Variants in VAV3 observed in about 807,000 individuals in gnomAD.
VAV3 encodes the protein guanine nucleotide exchange factor VAV3.
Under a neutral mutation model 131.2 loss-of-function variants are expected in VAV3, and 94 were observed. That is an observed-to-expected ratio of 0.72 (90% confidence interval 0.61 to 0.85). VAV3 has a LOEUF of 0.85. Ranked by LOEUF, VAV3 falls within the 40% of genes least tolerant of loss-of-function variation. The pLI, the probability that VAV3 is intolerant of heterozygous loss-of-function variation, is 0.00. For synonymous variants in VAV3, 349 were observed against 342.0 expected, an observed-to-expected ratio of 1.02 and a Z score of -0.22; for missense variants, 939 against 1,002.7, an observed-to-expected ratio of 0.94 and a Z score of 0.86.
chr1:107,938,396 T>C lies in VAV3; in HGVS notation c.204+26270A>G, dbSNP rs112127049. On this transcript the variant is annotated intron_variant, in intron 1 of 26. Transcript: ENST00000370056. ...GATCTAGATTCTCAAGGGAGGAAAC[T>C]ATCAGGACCACAGGGGTGGGTTTTT... Among the ~76,000 whole-genome samples the C allele has an allele frequency of 2.1e-3, 316 of 152,184 alleles. 1 individual carries two copies. The highest frequency in any genetic ancestry group is 7.3e-3 in the African/African-American group (301 of 41,516).
intron 15 of VAV3, 128 bp from the exon 16 acceptor site, chr1:107,705,189 A>C: frequency 1.4e-6 from 1 of 710,504 alleles, no homozygotes; most frequent in Non-Finnish European, 2.4e-6. Flanking sequence ...TGACTACTAA[A>C]TGTGCAATGT....
intron 20 of VAV3, among the ~76,000 whole-genome samples, chr1:107,635,541 A>T (rs1654855494): frequency 6.6e-6 from 1 of 152,120 alleles, no homozygotes; most frequent in African/African-American, 2.4e-5. Context: ...TAATGGGTGC[A>T]GCACACAAAC....
At chr1:107,804,020 G>C (rs1237429957) in intron 2 of VAV3, among the ~76,000 whole-genome samples, 2 of 151,982 alleles carry the variant, frequency 1.3e-5, no homozygotes, top group Non-Finnish European at 2.9e-5. Flanking sequence ...AGAGTCTAAA[G>C]TCTTTGACTA....
rs1649307555 is a variant in VAV3, at chr1:107,572,177, C to T, written c.*1154G>A. 6.6e-6 allele frequency: 1 copy of T among 152,158 alleles called. No individual in the cohort carries two copies. Among genetic ancestry groups the T allele is most frequent in the African/African-American group, 2.4e-5 (1 of 41,432 alleles). The allele number at this position is 152,158 out of a possible 1,614,324, so 9.4% of individuals were successfully genotyped here. On this transcript the variant is annotated 3_prime_UTR_variant, in exon 27 of 27. Coordinates refer to ENST00000370056, the MANE Select transcript of VAV3 (RefSeq NM_006113.5). ...GGCAAAACAAATGTACTGCAAGACC[C>T]ATCTTCCCTCCAGTTAATACACTCC...
At chr1:107,628,646 CA>C (rs34935666) in intron 20 of VAV3, among the ~76,000 whole-genome samples, 16 of 151,924 alleles carry the variant, frequency 1.1e-4, no homozygotes, top group African/African-American at 3.9e-4. Context: ...TTTTTTCTAC[CA>C]AAAAATAACA....
intron 20 of VAV3, among the ~76,000 whole-genome samples, chr1:107,622,729 C>T (rs1295748901): frequency 6.6e-6 from 1 of 152,196 alleles, no homozygotes; most frequent in Non-Finnish European, 1.5e-5. Flanking sequence ...CAATTTATCA[C>T]ACATGGGTAA....
intron 18 of VAV3, among the ~76,000 whole-genome samples, chr1:107,686,660 C>T (rs1659049834): frequency 6.6e-6 from 1 of 152,048 alleles, no homozygotes; most frequent in East Asian, 1.9e-4. Context: ...TTAGTACAGT[C>T]ACACAGTAAA....
At chr1:107,866,515 G>A (rs1253270974) in intron 2 of VAV3, among the ~76,000 whole-genome samples, 1 of 151,990 alleles carries the variant, frequency 6.6e-6, no homozygotes, top group Non-Finnish European at 1.5e-5. Flanking sequence ...AAGCAAGGAG[G>A]GTTAAAGAAA....
At chr1:107,619,027 A>G (rs1227669343) in intron 20 of VAV3, among the ~76,000 whole-genome samples, 2 of 152,160 alleles carry the variant, frequency 1.3e-5, no homozygotes, top group Non-Finnish European at 1.5e-5. Flanking sequence ...AAGGAATTGG[A>G]GGGAGAGAAA....
intron 1 of VAV3, among the ~76,000 whole-genome samples, chr1:107,879,391 T>C (rs1341457345): frequency 1.3e-5 from 2 of 152,216 alleles, no homozygotes; most frequent in Non-Finnish European, 2.9e-5. Context: ...GCCTCTAATG[T>C]TCCTCTCAGA....
In VAV3 at chr1:107,664,905, G is replaced by C. The variant is rs142018685; in HGVS notation, c.1777+18583C>G. Among the ~76,000 whole-genome samples, 69 of 152,362 alleles carry C rather than the reference G, an allele frequency of 4.5e-4. 1 individual carries two copies. The highest frequency in any genetic ancestry group is 1.6e-3 in the African/African-American group (68 of 41,588). On this transcript the variant is annotated intron_variant, in intron 19 of 26. Coordinates refer to ENST00000370056, the MANE Select transcript of VAV3 (RefSeq NM_006113.5). ...CAAGTCATTTTGTTCAGAAACAAGA[G>C]CATGACCCAAGGTATAGTGGCAAGA...
chr1:107,682,063 C>A (rs1322217079), intron 19 of VAV3, among the ~76,000 whole-genome samples: 1 of 152,136 alleles, frequency 6.6e-6, no homozygotes. Context: ...AACAAAAAAA[C>A]TGTACCTATA....
At chr1:107,795,365 C>T (rs1666486111) in intron 2 of VAV3, among the ~76,000 whole-genome samples, 1 of 152,212 alleles carries the variant, frequency 6.6e-6, no homozygotes, top group Non-Finnish European at 1.5e-5. Context: ...TCTTACAGGA[C>T]TATCAAACAA....
At position 107,797,509 on chromosome 1, in the gene VAV3, TA is replaced by T. The variant is rs761581865; in HGVS notation, c.322-18018del. 8.5e-5 allele frequency among the ~76,000 whole-genome samples: 13 copies of T among 152,288 alleles called. No individual in the cohort carries two copies. The East Asian group carries it at 2.5e-3, about 29-fold the overall frequency. On this transcript the variant is annotated intron_variant, in intron 2 of 26. Coordinates refer to ENST00000370056, the MANE Select transcript of VAV3 (RefSeq NM_006113.5). ...TTGAAGAACTACAAACAGGTATTCA[TA>T]GGGCTCCAAAAAGCATAAGAGTCAA... is the stretch of plus-strand genomic sequence containing the variant.
At chr1:107,827,869 T>A (rs548179102) in intron 2 of VAV3, among the ~76,000 whole-genome samples, 1 of 152,280 alleles carries the variant, frequency 6.6e-6, no homozygotes, top group Non-Finnish European at 1.5e-5. Flanking sequence ...TTTATTAGTA[T>A]CTTGAATTTA....
chr1:107,605,288 G>A (rs763871933), intron 22 of VAV3, among the ~76,000 whole-genome samples: 44 of 152,240 alleles, frequency 2.9e-4, no homozygotes, highest in African/African-American at 9.1e-4. Context: ...ATTAGGTCAC[G>A]GGGGCTCTGC....
At chr1:107,778,223 G>T (rs1159767351) in intron 3 of VAV3, among the ~76,000 whole-genome samples, 1 of 152,124 alleles carries the variant, frequency 6.6e-6, no homozygotes, top group South Asian at 2.1e-4. Context: ...AGACATTTGA[G>T]GAGACTAGGT....
intron 2 of VAV3, among the ~76,000 whole-genome samples, chr1:107,790,588 A>C (rs1666233062): frequency 1.3e-5 from 2 of 151,892 alleles, no homozygotes; most frequent in Admixed American, 6.6e-5. Context: ...TGAATGACAA[A>C]TGGGGTGATT....
chr1:107,871,171 T>C (rs1670236189), intron 2 of VAV3, among the ~76,000 whole-genome samples: 1 of 152,190 alleles, frequency 6.6e-6, no homozygotes. Flanking sequence ...TCTAATATTA[T>C]GCCAGGGGAA....
Sources: gnomAD v4.1 joint callset for allele counts (sites outside exome capture counted in the v4.1 genomes callset) on GRCh38, gnomAD v4.1.1 for gene constraint, MANE v1.5 for transcripts, NCBI Gene and HGNC (gene_info 2026-07-23, HGNC 2026-07-21) for gene names.